ATE1: variants seen among roughly 807,000 people sequenced by gnomAD.
ATE1 encodes arginyltransferase 1.
A neutral mutation model predicts 70.5 loss-of-function variants in ATE1; 36 were observed. The observed-to-expected ratio is 0.51, with a 90% CI of 0.39 to 0.67. The LOEUF (loss-of-function observed/expected upper bound fraction) is 0.67. ATE1 is among the 30% of genes least tolerant of loss of function. ATE1 has a pLI of 0.00. For missense variants in ATE1, 593 were observed against 629.5 expected, an observed-to-expected ratio of 0.94 and a Z score of 0.62; for synonymous variants, 232 against 219.3, an observed-to-expected ratio of 1.06 and a Z score of -0.51.
intron 4 of ATE1, 88 bp from the exon 5 acceptor site, chr10:121,911,239 T>C (rs113697112): frequency 1.0e-5 from 15 of 1,487,900 alleles, no homozygotes; most frequent in South Asian, 6.2e-5. Context: ...CTATTATCCA[T>C]TGTGGCAGAA....
chr10:121,858,646 ATT>A (rs1475607125), intron 8 of ATE1, among the ~76,000 whole-genome samples: 33 of 94,878 alleles, frequency 3.5e-4, no homozygotes, highest in Non-Finnish European at 4.7e-4. Flanking sequence ...TAATATATAT[ATT>A]TTATACATAT....
chr10:121,823,733 G>GAGATT (rs1947895748), intron 10 of ATE1, among the ~76,000 whole-genome samples: 1 of 152,202 alleles, frequency 6.6e-6, no homozygotes, highest in Non-Finnish European at 1.5e-5. Flanking sequence ...TGTAAAGAGA[G>GAGATT]AGATTAGACA....
intron 11 of ATE1, among the ~76,000 whole-genome samples, chr10:121,786,202 G>GTTTTTTTTTTTTT: frequency 1.2e-5 from 1 of 84,496 alleles, no homozygotes; most frequent in South Asian, 5.7e-4. Flanking sequence ...GCTCAAGAAA[G>GTTTTTTTTTTTTT]TTTTTTTTTT....
chr10:121,748,122 T>C lies in ATE1; in HGVS notation c.1379-4264A>G, dbSNP rs144450054. On this transcript the variant is annotated intron_variant, in intron 11 of 11. Transcript: ENST00000224652. The stretch of plus-strand genomic sequence containing the variant: ...AAATTGGAATTTTAAAGTATGTCTA[T>C]ATTTATACAGAATGATGCTTAACAG... 3.3e-5 allele frequency among the ~76,000 whole-genome samples: 5 copies of C among 152,358 alleles called. No homozygotes were observed. In the East Asian group the frequency reaches 9.6e-4, roughly 29 times the overall value.
At chr10:121,797,160 G>A (rs1055766536) in intron 10 of ATE1, among the ~76,000 whole-genome samples, 3 of 152,150 alleles carry the variant, frequency 2.0e-5, no homozygotes, top group African/African-American at 7.2e-5. Context: ...GTCGACGAAC[G>A]TCTTTTACTT....
intron 10 of ATE1, among the ~76,000 whole-genome samples, chr10:121,803,011 C>T (rs970349223): frequency 2.0e-5 from 3 of 152,146 alleles, no homozygotes; most frequent in African/African-American, 7.2e-5. Flanking sequence ...TCAGCGTTGA[C>T]GTCTTTAGGA....
chr10:121,809,398 T>A lies in ATE1; in HGVS notation c.1258-19109A>T, dbSNP rs187736416. ...CGAGTGTTTTTCCTGAGACAGCTTTTGTACTTTGGGATGCAGCACAAGCAC... is the reference window on the plus strand; with the variant it reads ...CGAGTGTTTTTCCTGAGACAGCTTTAGTACTTTGGGATGCAGCACAAGCAC... On this transcript the variant is annotated intron_variant, in intron 10 of 11. Transcript: ENST00000224652. Among the ~76,000 whole-genome samples, 4 of 152,288 alleles carry A rather than the reference T, an allele frequency of 2.6e-5. No individual in the cohort carries two copies. In the East Asian group the frequency reaches 7.7e-4, roughly 29 times the overall value.
chr10:121,742,785 G>C lies in ATE1; in HGVS notation c.*895C>G, dbSNP rs188953768. Reference sequence around the variant, plus strand: ...TCAATGTGATTTGTGGCATAACTATGAAAGTAATCACATACTAATTTCCAT... The same window carrying C: ...TCAATGTGATTTGTGGCATAACTATCAAAGTAATCACATACTAATTTCCAT... On this transcript the variant is annotated 3_prime_UTR_variant, in exon 12 of 12. Transcript: ENST00000224652. The C allele has an allele frequency of 3.9e-5, 6 of 152,320 alleles. No homozygotes were observed. The highest frequency in any genetic ancestry group is 1.3e-4 in the Admixed American group (2 of 15,298). The allele number at this position is 152,320 out of a possible 1,614,324, so 9.4% of individuals were successfully genotyped here.
intron 5 of ATE1, among the ~76,000 whole-genome samples, chr10:121,905,394 AAACT>A (rs1452729950): frequency 6.6e-6 from 1 of 152,232 alleles, no homozygotes; most frequent in African/African-American, 2.4e-5. Flanking sequence ...AGCAAATTTA[AAACT>A]AACATGAACT....
At chr10:121,898,878 A>G (rs1950872565) in intron 7 of ATE1, 2 of 1,613,640 alleles carry the variant, frequency 1.2e-6, no homozygotes, top group Non-Finnish European at 1.7e-6. Context: ...ATCCTGGTGT[A>G]TGGCCACTTG....
chr10:121,809,958 G>A (rs1186762931), intron 10 of ATE1, among the ~76,000 whole-genome samples: 1 of 151,080 alleles, frequency 6.6e-6, no homozygotes, highest in African/African-American at 2.4e-5. Context: ...TGCCAAGAAA[G>A]ATCAACACTG....
In ATE1 at chr10:121,851,989, G is replaced by C. The variant is rs115225383; in HGVS notation, c.976-10726C>G. On this transcript the variant is annotated intron_variant, in intron 8 of 11. Coordinates refer to ENST00000224652, the MANE Select transcript of ATE1 (RefSeq NM_001001976.3). ...CTTCCAGCCAAACTGCTCCCAAAAT[G>C]GGTGCATATTTACTGTGATAAAGTA... Among the ~76,000 whole-genome samples the C allele has an allele frequency of 3.7e-3, 562 of 152,318 alleles. 3 individuals are homozygous for C. The highest frequency in any genetic ancestry group is 0.013 in the African/African-American group (545 of 41,572).
In ATE1 at chr10:121,838,354, C is replaced by T. The variant is rs536248185; in HGVS notation, c.1158-1537G>A. Among the ~76,000 whole-genome samples, 10 of 130,392 alleles carry T rather than the reference C, an allele frequency of 7.7e-5. No homozygotes were observed. In the South Asian group the frequency reaches 3.1e-3, roughly 41 times the overall value. The allele number at this position is 130,392 out of a possible 152,430, so 85.5% of individuals were successfully genotyped here. On this transcript the variant is annotated intron_variant, in intron 9 of 11. Coordinates refer to ENST00000224652, the MANE Select transcript of ATE1 (RefSeq NM_001001976.3). ...CTTCTCACCAGCTCACTCCACCTGC[C>T]TCCTTCTCACCAACTCCACCTGCCT...
At position 121,877,155 on chromosome 10, in the gene ATE1, T is replaced by C. The variant is rs540334038; in HGVS notation, c.943-7117A>G. Among the ~76,000 whole-genome samples, 15 of 152,274 alleles carry C rather than the reference T, an allele frequency of 9.9e-5. No homozygotes were observed. In the South Asian group the frequency reaches 1.9e-3, roughly 19 times the overall value. ...CTGATTTCAGAATCCTTTGCTCCTCTAACAGGAAGATCATTTGCCATAGGA... is the reference window on the plus strand; with the variant it reads ...CTGATTTCAGAATCCTTTGCTCCTCCAACAGGAAGATCATTTGCCATAGGA... On this transcript the variant is annotated intron_variant, in intron 7 of 11. Transcript: ENST00000224652.
chr10:121,903,773 C>T (rs10887020), intron 5 of ATE1, among the ~76,000 whole-genome samples: 65,070 of 151,830 alleles, frequency 0.43, 15,229 homozygotes, highest in South Asian at 0.53. Flanking sequence ...ATTAGTTCAG[C>T]TGTAGTTAAT....
intron 10 of ATE1, among the ~76,000 whole-genome samples, chr10:121,834,678 T>C (rs762140675): frequency 2.0e-5 from 3 of 151,448 alleles, no homozygotes; most frequent in Non-Finnish European, 4.4e-5. Flanking sequence ...AAAAGGATGA[T>C]GAAACTATAT....
At chr10:121,843,468 A>C (rs951117477) in intron 8 of ATE1, among the ~76,000 whole-genome samples, 4 of 152,216 alleles carry the variant, frequency 2.6e-5, no homozygotes, top group African/African-American at 9.6e-5. Flanking sequence ...CAAAAGTCTC[A>C]GACTAGCGAA....
At chr10:121,777,049 G>T (rs752006398) in intron 11 of ATE1, among the ~76,000 whole-genome samples, 1 of 152,166 alleles carries the variant, frequency 6.6e-6, no homozygotes, top group African/African-American at 2.4e-5. Flanking sequence ...TCTCACAAAG[G>T]AATCTTAAAG....
At chr10:121,757,389 C>T (rs182712958) in intron 11 of ATE1, among the ~76,000 whole-genome samples, 2 of 152,310 alleles carry the variant, frequency 1.3e-5, no homozygotes, top group Admixed American at 1.3e-4. Context: ...GCCTGTTGCC[C>T]AGTTCCAAAG....
Sources: allele counts gnomAD v4.1 joint callset (sites outside exome capture counted in the v4.1 genomes callset), GRCh38; gene constraint gnomAD v4.1.1; transcripts MANE v1.5; gene names NCBI Gene and HGNC (gene_info 2026-07-23, HGNC 2026-07-21).